The following TASP1 variants were observed in gnomAD, a reference collection of about 807,000 sequenced individuals.
The protein encoded by TASP1 is taspase 1, also known as threonine aspartase 1.
TASP1 carries 16 observed loss-of-function variants against 56.6 expected under a neutral mutation model. The ratio of observed to expected loss-of-function variants is 0.28; its 90% CI spans 0.19 to 0.43. TASP1 has a LOEUF of 0.43. Among genes scored for constraint, TASP1 ranks in the 20% least tolerant of loss-of-function variants. TASP1 has a pLI of 1.00. For missense variants in TASP1, 393 were observed against 511.6 expected (o/e 0.77, Z 2.24); for synonymous variants, 179 against 184.2 (o/e 0.97, Z 0.23).
At chr20:13,107,012 G>C in the TASP1 span, among the ~76,000 whole-genome samples, 1 of 152,200 alleles carries the variant, frequency 6.6e-6, no homozygotes, top group African/African-American at 2.4e-5. Flanking sequence ...CAGTAATGTA[G>C]TCTGCAGCAA....
chr20:13,165,842 C>T, the TASP1 span: 1 of 152,202 alleles, frequency 6.6e-6, no homozygotes, highest in African/African-American at 2.4e-5. Flanking sequence ...CTGACTTTTT[C>T]AAGACCAACA....
At chr20:13,568,202 C>G (rs2046600457) in intron 7 of TASP1, among the ~76,000 whole-genome samples, 1 of 152,054 alleles carries the variant, frequency 6.6e-6, no homozygotes, top group African/African-American at 2.4e-5. Context: ...AACTGGAATA[C>G]AGTGGTGCAA....
chr20:13,115,716 G>C, the TASP1 span, among the ~76,000 whole-genome samples: 1 of 152,064 alleles, frequency 6.6e-6, no homozygotes. Context: ...GTTAGGACTC[G>C]TTGCAACCAT....
Position 13,534,149 on chromosome 20 carries a change from G to A in TASP1, c.676-8C>T, listed in dbSNP as rs761794523. ...AGTGCCTGAGTCATTTTCCTGCAGAGCAAAAGTGGCACAAGTATTCACTAG... is the reference window on the plus strand; with the variant it reads ...AGTGCCTGAGTCATTTTCCTGCAGAACAAAAGTGGCACAAGTATTCACTAG... On this transcript the variant is annotated splice_polypyrimidine_tract_variant and splice_region_variant and intron_variant, in intron 8 of 13. Transcript: ENST00000337743. 1.9e-6 allele frequency: 3 copies of A among 1,612,752 alleles called. No homozygotes were observed. Among genetic ancestry groups the A allele is most frequent in the South Asian group, 1.1e-5 (1 of 90,946 alleles).
chr20:13,443,042 CTT>C (rs1462997129), intron 11 of TASP1, among the ~76,000 whole-genome samples: 4 of 152,126 alleles, frequency 2.6e-5, no homozygotes, highest in Non-Finnish European at 4.4e-5. Context: ...TATGTATGAA[CTT>C]TTTAACTTCT....
chr20:13,532,237 C>T (rs2045250253), intron 9 of TASP1, among the ~76,000 whole-genome samples: 2 of 152,294 alleles, frequency 1.3e-5, no homozygotes, highest in Non-Finnish European at 1.5e-5. Flanking sequence ...GCACTGCTAT[C>T]ACATATCTAC....
chr20:13,471,012 A>T (rs1033566486), intron 11 of TASP1, among the ~76,000 whole-genome samples: 1 of 152,006 alleles, frequency 6.6e-6, no homozygotes, highest in Admixed American at 6.6e-5. Context: ...TTCAAAGGAT[A>T]CTCTTTTTCT....
chr20:13,570,815 G>A (rs896465548), intron 6 of TASP1, among the ~76,000 whole-genome samples: 4 of 152,086 alleles, frequency 2.6e-5, no homozygotes, highest in African/African-American at 2.4e-5. Flanking sequence ...ATGTTAAGAT[G>A]ACTGAAATAG....
At chr20:13,568,341 T>A (rs1165469793) in intron 7 of TASP1, among the ~76,000 whole-genome samples, 1 of 152,146 alleles carries the variant, frequency 6.6e-6, no homozygotes, top group Non-Finnish European at 1.5e-5. Flanking sequence ...TAAGTTGGTT[T>A]CCTTGGAGTT....
At chr20:13,583,650 G>A (rs974798837) in intron 5 of TASP1, among the ~76,000 whole-genome samples, 7 of 152,130 alleles carry the variant, frequency 4.6e-5, no homozygotes, top group African/African-American at 1.2e-4. Context: ...TGAGCGTATT[G>A]TGAGAATTAA....
At chr20:13,314,127 AAG>A in the TASP1 span, among the ~76,000 whole-genome samples, 1 of 152,182 alleles carries the variant, frequency 6.6e-6, no homozygotes, top group Non-Finnish European at 1.5e-5. Context: ...CAGAACAGTC[AAG>A]ACTTAGAGAC....
At chr20:13,583,042 C>T (rs574094232) in intron 5 of TASP1, among the ~76,000 whole-genome samples, 1 of 152,346 alleles carries the variant, frequency 6.6e-6, no homozygotes, top group South Asian at 2.1e-4. Flanking sequence ...TTCTCCAGCT[C>T]CTGATTTGTG....
chr20:13,124,981 C>G, the TASP1 span, among the ~76,000 whole-genome samples: 3 of 152,128 alleles, frequency 2.0e-5, no homozygotes, highest in Non-Finnish European at 2.9e-5. Context: ...TGAGCTGTGC[C>G]GTTATTCTAA....
chr20:13,108,601 G>A, the TASP1 span, among the ~76,000 whole-genome samples: 178 of 152,196 alleles, frequency 1.2e-3, no homozygotes, highest in African/African-American at 4.0e-3. Flanking sequence ...TTGAGACAGA[G>A]TCTCGTTCTG....
intron 6 of TASP1, 48 bp downstream of exon 6, chr20:13,580,849 T>C (rs751138224): frequency 2.5e-6 from 4 of 1,593,074 alleles, no homozygotes; most frequent in East Asian, 2.2e-5. Context: ...CTTCTGTGGA[T>C]AAAAATGCAC....
At chr20:13,322,413 T>C in the TASP1 span, among the ~76,000 whole-genome samples, 1 of 152,170 alleles carries the variant, frequency 6.6e-6, no homozygotes, top group Non-Finnish European at 1.5e-5. Context: ...CTCCAACTCT[T>C]CCACCTGCCA....
intron 11 of TASP1, among the ~76,000 whole-genome samples, chr20:13,439,049 CT>C (rs1230302743): frequency 4.6e-5 from 7 of 152,196 alleles, no homozygotes; most frequent in Non-Finnish European, 4.4e-5. Flanking sequence ...GACTTTTACA[CT>C]GTTGGTGGGA....
At chr20:13,489,398 A>G (rs2043440025) in intron 10 of TASP1, among the ~76,000 whole-genome samples, 1 of 152,188 alleles carries the variant, frequency 6.6e-6, no homozygotes, top group Non-Finnish European at 1.5e-5. Flanking sequence ...TCTCTGCCAT[A>G]TCTGACTAAA....
At chr20:13,389,278 G>A (rs2041194008), downstream of TASP1, 1 of 152,198 alleles carries the variant, frequency 6.6e-6, no homozygotes, top group African/African-American at 2.4e-5. Flanking sequence ...TCTTGCCAGT[G>A]TCTTCTTTAA....
Sources: gnomAD v4.1 joint callset for allele counts (sites outside exome capture counted in the v4.1 genomes callset) on GRCh38, gnomAD v4.1.1 for gene constraint, MANE v1.5 for transcripts, NCBI Gene and HGNC (gene_info 2026-07-23, HGNC 2026-07-21) for gene names.